Variants in SDCCAG8 observed in about 807,000 individuals in gnomAD.
SDCCAG8 encodes the protein SHH signaling and ciliogenesis regulator SDCCAG8.
In SDCCAG8, 74 loss-of-function variants were observed where a neutral mutation model predicts 101.8. The ratio of observed to expected loss-of-function variants is 0.73; its 90% CI spans 0.60 to 0.88. The LOEUF (loss-of-function observed/expected upper bound fraction) is 0.88, where lower values mean the gene tolerates loss of function less well. Ranked by LOEUF, SDCCAG8 falls within the 40% of genes least tolerant of loss-of-function variation. SDCCAG8 has a pLI of 0.00. For missense variants in SDCCAG8, 787 were observed against 822.6 expected (o/e 0.96, Z 0.53); for synonymous variants, 281 against 292.9 (o/e 0.96, Z 0.41).
chr1:243,299,244 G>T (rs1253793347), intron 6 of SDCCAG8, among the ~76,000 whole-genome samples: 1 of 152,024 alleles, frequency 6.6e-6, no homozygotes, highest in Non-Finnish European at 1.5e-5. Context: ...CATGAGTTTT[G>T]TATTTTGATT....
At chr1:243,350,072 A>G (rs1467610329) in intron 12 of SDCCAG8, among the ~76,000 whole-genome samples, 1 of 152,234 alleles carries the variant, frequency 6.6e-6, no homozygotes, top group Non-Finnish European at 1.5e-5. Context: ...GACATTAAGG[A>G]TGGAGTGTAA....
intron 4 of SDCCAG8, among the ~76,000 whole-genome samples, chr1:243,283,053 G>A (rs995934928): frequency 5.9e-5 from 9 of 152,166 alleles, no homozygotes; most frequent in African/African-American, 2.2e-4. Context: ...CACCATGTTA[G>A]CCAGGCTGGT....
At chr1:243,496,997 G>A (rs1668092099) in intron 17 of SDCCAG8, among the ~76,000 whole-genome samples, 1 of 152,212 alleles carries the variant, frequency 6.6e-6, no homozygotes, top group African/African-American at 2.4e-5. Context: ...GAGGGCCACA[G>A]CAAGGGCCAT....
intron 16 of SDCCAG8, among the ~76,000 whole-genome samples, chr1:243,479,021 T>C (rs1012975754): frequency 1.3e-5 from 2 of 150,732 alleles, no homozygotes; most frequent in Non-Finnish European, 2.9e-5. Context: ...GGCTAGAGCG[T>C]GTTCCGGAAG....
In SDCCAG8 at chr1:243,479,219, A is replaced by G. The variant is rs558877855; in HGVS notation, c.1986-9795A>G. 1.6e-4 allele frequency among the ~76,000 whole-genome samples: 24 copies of G among 152,348 alleles called. No individual in the cohort carries two copies. In the South Asian group the frequency reaches 4.6e-3, roughly 29 times the overall value. ...AAACTTCAGCTTGCTGACTAGGTGT[A>G]TTGCTATGTAAATAGCTAGCGATAT... On this transcript the variant is annotated intron_variant, in intron 16 of 17. Transcript: ENST00000366541.
intron 10 of SDCCAG8, among the ~76,000 whole-genome samples, chr1:243,331,736 T>G (rs1445048311): frequency 6.6e-6 from 1 of 152,160 alleles, no homozygotes; most frequent in Non-Finnish European, 1.5e-5. Flanking sequence ...GTGTCCACGG[T>G]CCTTTCAGTG....
At chr1:243,259,936 G>A (rs1002342582) in intron 1 of SDCCAG8, among the ~76,000 whole-genome samples, 1 of 152,204 alleles carries the variant, frequency 6.6e-6, no homozygotes, top group African/African-American at 2.4e-5. Flanking sequence ...AACTGAGTCA[G>A]CGTTTACTTT....
intron 13 of SDCCAG8, among the ~76,000 whole-genome samples, chr1:243,383,166 C>T (rs188700147): frequency 2.6e-5 from 4 of 152,086 alleles, no homozygotes; most frequent in East Asian, 1.9e-4. Flanking sequence ...ATGGGGTCTT[C>T]GAATATATAA....
At chr1:243,298,193 C>T (rs754545801) in intron 6 of SDCCAG8, among the ~76,000 whole-genome samples, 5 of 151,506 alleles carry the variant, frequency 3.3e-5, no homozygotes, top group African/African-American at 9.7e-5. Flanking sequence ...GGATTACGGG[C>T]GCATGCCACC....
intron 12 of SDCCAG8, among the ~76,000 whole-genome samples, chr1:243,350,452 A>G (rs1193606362): frequency 6.6e-6 from 1 of 152,110 alleles, no homozygotes; most frequent in Non-Finnish European, 1.5e-5. Context: ...TCCTGAGCTC[A>G]GGCAATCCAC....
intron 16 of SDCCAG8, among the ~76,000 whole-genome samples, chr1:243,459,246 G>A (rs1337726189): frequency 6.6e-6 from 1 of 152,196 alleles, no homozygotes; most frequent in Non-Finnish European, 1.5e-5. Context: ...GGCTCGGAGG[G>A]AGGAAGTGTG....
intron 13 of SDCCAG8, among the ~76,000 whole-genome samples, chr1:243,414,424 T>C (rs2148010064): frequency 6.6e-6 from 1 of 152,262 alleles, no homozygotes; most frequent in Admixed American, 6.5e-5. Flanking sequence ...TTGGACCACA[T>C]CCCGGGGGGA....
At chr1:243,498,210 T>C (rs1385467987) in intron 17 of SDCCAG8, among the ~76,000 whole-genome samples, 2 of 151,430 alleles carry the variant, frequency 1.3e-5, no homozygotes, top group Non-Finnish European at 2.9e-5. Flanking sequence ...GTCAGCTTGG[T>C]GCAAACCCTG....
intron 1 of SDCCAG8, among the ~76,000 whole-genome samples, chr1:243,266,776 C>CAAAAAAAAAAA (rs566670758): frequency 1.1e-4 from 12 of 110,952 alleles, no homozygotes; most frequent in South Asian, 2.7e-4. Flanking sequence ...ATTATAAATA[C>CAAAAAAAAAAA]AAAAAAAAAA....
intron 13 of SDCCAG8, among the ~76,000 whole-genome samples, chr1:243,391,378 C>G (rs1204501603): frequency 6.6e-6 from 1 of 152,210 alleles, no homozygotes; most frequent in East Asian, 1.9e-4. Context: ...TGCTGCAACT[C>G]TGTTAGAGCC....
intron 16 of SDCCAG8, among the ~76,000 whole-genome samples, chr1:243,452,102 T>G (rs1044929532): frequency 6.6e-6 from 1 of 152,140 alleles, no homozygotes; most frequent in African/African-American, 2.4e-5. Flanking sequence ...GTGTGCATGC[T>G]CAGGCGTTTC....
chr1:243,398,119 T>G (rs2079139831), intron 13 of SDCCAG8, among the ~76,000 whole-genome samples: 1 of 152,222 alleles, frequency 6.6e-6, no homozygotes, highest in Non-Finnish European at 1.5e-5. Flanking sequence ...CCACAAAAGT[T>G]TCTGCACACT....
chr1:243,309,273 C>T (rs1200601551), intron 8 of SDCCAG8, among the ~76,000 whole-genome samples: 4 of 152,168 alleles, frequency 2.6e-5, no homozygotes, highest in Admixed American at 2.6e-4. Flanking sequence ...GTTACTTAAC[C>T]TTTTTGTGCC....
chr1:243,378,788 C>T lies in SDCCAG8; in HGVS notation c.1541C>T (p.Ala514Val). 1 of 1,614,066 alleles carries T rather than the reference C, an allele frequency of 6.2e-7. No homozygotes were observed. Reference protein sequence around the residue: ...KQHLEQEQQKAALAREECLRL... With the variant: ...KQHLEQEQQKVALAREECLRL... ...CACTTGGAACAGGAGCAGCAGAAGG[C>T]AGCCCTGGCCAGAGAGGAGTGCCTG... The change falls in exon 13 of 18, where the codon GCA becomes GTA. Residue 514 changes from alanine (A) to valine (V), a missense_variant. Transcript: ENST00000366541.
Sources: allele counts gnomAD v4.1 joint callset (sites outside exome capture counted in the v4.1 genomes callset), GRCh38; gene constraint gnomAD v4.1.1; transcripts MANE v1.5; gene names NCBI Gene and HGNC (gene_info 2026-07-23, HGNC 2026-07-21).